The following CHLSN variants were observed in gnomAD, a reference collection of about 807,000 sequenced individuals.
CHLSN encodes the protein cholesin.
chr7:999,736 C>A, the CHLSN span, among the ~76,000 whole-genome samples: 1 of 152,198 alleles, frequency 6.6e-6, no homozygotes, highest in Non-Finnish European at 1.5e-5. Context: ...CCAGCGCGCA[C>A]GCAAAGCCTG....
chr7:997,769 G>A, the CHLSN span: 3 of 1,609,236 alleles, frequency 1.9e-6, no homozygotes, highest in South Asian at 1.1e-5. Flanking sequence ...GCCCCTCCAG[G>A]TAGGCCAGCA....
chr7:1,085,462 T>C, the CHLSN span, among the ~76,000 whole-genome samples: 1 of 152,120 alleles, frequency 6.6e-6, no homozygotes, highest in East Asian at 1.9e-4. Context: ...AGTCAGTTTC[T>C]GCAACCATGA....
the CHLSN span, chr7:988,907 C>T: frequency 0.031 from 27,194 of 871,206 alleles, 627 homozygotes; most frequent in Non-Finnish European, 0.04. Context: ...CCCCACAGCT[C>T]GGACTGCTCT....
the CHLSN span, among the ~76,000 whole-genome samples, chr7:1,079,930 C>A: frequency 2.6e-5 from 4 of 152,176 alleles, no homozygotes; most frequent in Non-Finnish European, 5.9e-5. Context: ...TTGGGGAGTT[C>A]CCCCAGGCCC....
the CHLSN span, among the ~76,000 whole-genome samples, chr7:1,010,802 C>A: frequency 6.6e-6 from 1 of 152,202 alleles, no homozygotes; most frequent in Non-Finnish European, 1.5e-5. Flanking sequence ...GCCGGGGCAG[C>A]CGGGCCACGG....
At chr7:1,130,526 C>G in the CHLSN span, among the ~76,000 whole-genome samples, 2 of 152,080 alleles carry the variant, frequency 1.3e-5, no homozygotes, top group African/African-American at 2.4e-5. Flanking sequence ...TGACCCCATG[C>G]CCCTGTCCCC....
the CHLSN span, among the ~76,000 whole-genome samples, chr7:1,001,659 T>C: frequency 5.5e-5 from 4 of 73,340 alleles, no homozygotes; most frequent in East Asian, 4.6e-4. Context: ...GTGAGTGGAG[T>C]CCTGTGGGTG....
At chr7:1,047,539 A>T in the CHLSN span, among the ~76,000 whole-genome samples, 2 of 152,254 alleles carry the variant, frequency 1.3e-5, no homozygotes, top group Non-Finnish European at 2.9e-5. Context: ...TAGGAGCTGG[A>T]TGTTAATTGT....
the CHLSN span, chr7:987,505 C>T: frequency 6.5e-7 from 1 of 1,538,904 alleles, no homozygotes; most frequent in Non-Finnish European, 8.7e-7. Flanking sequence ...GGCCGACACA[C>T]AGCTGGGCGG....
At chr7:1,046,170 T>C in the CHLSN span, among the ~76,000 whole-genome samples, 46 of 152,310 alleles carry the variant, frequency 3.0e-4, no homozygotes, top group Non-Finnish European at 5.9e-4. Context: ...GACATGCTGC[T>C]CACTGGGGCA....
At chr7:1,093,799 G>T in the CHLSN span, 1 of 414,444 alleles carries the variant, frequency 2.4e-6, no homozygotes, top group Non-Finnish European at 5.1e-6. Context: ...CAATAAACCT[G>T]TCATGTGCGG....
the CHLSN span, among the ~76,000 whole-genome samples, chr7:1,013,731 C>T: frequency 3.9e-5 from 6 of 152,252 alleles, no homozygotes; most frequent in Admixed American, 2.0e-4. Context: ...CTAAAGCCGG[C>T]GTCTCTGGAC....
chr7:1,106,174 C>G, the CHLSN span, among the ~76,000 whole-genome samples: 1 of 152,258 alleles, frequency 6.6e-6, no homozygotes, highest in Non-Finnish European at 1.5e-5. Flanking sequence ...GTCCCGCACA[C>G]TGCCCGGCCG....
the CHLSN span, among the ~76,000 whole-genome samples, chr7:1,103,955 C>T: frequency 6.6e-6 from 1 of 152,166 alleles, no homozygotes; most frequent in African/African-American, 2.4e-5. Context: ...GCAGCGCTGG[C>T]CCCTGCCCAG....
At chr7:1,036,673 C>T in the CHLSN span, among the ~76,000 whole-genome samples, 1 of 152,012 alleles carries the variant, frequency 6.6e-6, no homozygotes, top group Non-Finnish European at 1.5e-5. Flanking sequence ...AAAAAAAAGT[C>T]TATTAAAAAA....
the CHLSN span, chr7:1,092,985 C>T: frequency 9.1e-6 from 8 of 883,690 alleles, no homozygotes; most frequent in African/African-American, 1.6e-5. Flanking sequence ...CTCGGGGCCT[C>T]GCGAGGGTCA....
chr7:1,129,686 C>G, the CHLSN span, among the ~76,000 whole-genome samples: 12 of 152,226 alleles, frequency 7.9e-5, no homozygotes, highest in Admixed American at 7.2e-4. Context: ...TCCAGCCATC[C>G]TCCGCCTCGG....
chr7:1,043,420 T>G, the CHLSN span: 1 of 152,180 alleles, frequency 6.6e-6, no homozygotes, highest in Non-Finnish European at 1.5e-5. Flanking sequence ...GTGTCTTAGG[T>G]TTGATGAAAT....
At chr7:1,130,477 C>T in the CHLSN span, among the ~76,000 whole-genome samples, 814 of 152,254 alleles carry the variant, frequency 5.3e-3, 8 homozygotes, top group African/African-American at 0.019. Flanking sequence ...TGCATGGGCT[C>T]ACTCATGCAG....
Sources: gnomAD v4.1 joint callset for allele counts (sites outside exome capture counted in the v4.1 genomes callset) on GRCh38, gnomAD v4.1.1 for gene constraint, MANE v1.5 for transcripts, NCBI Gene and HGNC (gene_info 2026-07-23, HGNC 2026-07-21) for gene names.